Variants in CYB561A3 observed in about 807,000 individuals in gnomAD.
CYB561A3 encodes the protein lysosomal membrane ascorbate-dependent ferrireductase CYB561A3.
A neutral mutation model predicts 25.3 loss-of-function variants in CYB561A3; 16 were observed. The ratio of observed to expected loss-of-function variants is 0.63; its 90% CI spans 0.43 to 0.96. CYB561A3 has a LOEUF of 0.96. Among genes scored for constraint, CYB561A3 ranks in the 40% least tolerant of loss-of-function variants. The pLI, the probability that CYB561A3 is intolerant of heterozygous loss-of-function variation, is 0.00. For missense variants in CYB561A3, 219 were observed against 307.5 expected (o/e 0.71, Z 2.15); for synonymous variants, 131 against 129.9 (o/e 1.01, Z -0.06).
In CYB561A3 at chr11:61,356,686, A is replaced by G. The variant is rs1857666797; in HGVS notation, c.28T>C (p.Cys10Arg). 1 of 1,614,226 alleles carries G rather than the reference A, an allele frequency of 6.2e-7. No homozygotes were observed. Among genetic ancestry groups the G allele is most frequent in the East Asian group, 2.2e-5 (1 of 44,884 alleles). The change falls in exon 3 of 7, where the codon TGC (cysteine) becomes CGC (arginine). Residue 10 changes from cysteine (C) to arginine (R), a missense_variant. Physicochemically the swap from Cys to Arg is radical, Grantham distance 180. Transcript: ENST00000294072. The stretch of plus-strand genomic sequence containing the variant: ...GAGCCCAGGGACCCCAGCAGCAGGC[A>G]GGACAAGTAGAACCGTCCAGACACC... Reference protein sequence around the residue: MVSGRFYLSCLLLGSLGSMC... With the variant: MVSGRFYLSRLLLGSLGSMC...
At chr11:61,357,161 G>A (rs1394253666) in intron 2 of CYB561A3, 1 of 1,550,114 alleles carries the variant, frequency 6.5e-7, no homozygotes, top group East Asian at 2.4e-5. Context: ...AGATAAGAAG[G>A]CAAAAATTAC....
In CYB561A3 at chr11:61,349,857, A is replaced by T. The variant is rs12419865; in HGVS notation, c.*542T>A. 8,061 of 567,902 alleles carry T rather than the reference A, an allele frequency of 0.014. 85 individuals carry two copies. Among genetic ancestry groups the T allele is most frequent in the Non-Finnish European group, 0.019 (5,910 of 314,800 alleles). 35.2% of individuals were successfully genotyped at this position (567,902 alleles called of 1,614,324 possible). A position where few individuals can be genotyped will look rare whatever the true frequency, so the allele number is the denominator to read the frequency against. Reference sequence around the variant, plus strand: ...AGCCTGCTCTGTGGCGGGGCAGCCTAACTGAAATGCACACCTTTATGGGGG... The same window carrying T: ...AGCCTGCTCTGTGGCGGGGCAGCCTTACTGAAATGCACACCTTTATGGGGG... On this transcript the variant is annotated 3_prime_UTR_variant, in exon 7 of 7. Transcript: ENST00000294072.
At chr11:61,356,326 A>C in intron 3 of CYB561A3, 1 of 675,428 alleles carries the variant, frequency 1.5e-6, no homozygotes, top group East Asian at 2.8e-5. Flanking sequence ...CCTGCCCTAG[A>C]GTATTTGTGA....
Position 61,351,293 on chromosome 11 carries a change from T to C in CYB561A3, c.549-146A>G, listed in dbSNP as rs1346899619. 7.3e-6 allele frequency: 7 copies of C among 952,428 alleles called. No homozygotes were observed. In the East Asian group the frequency reaches 1.3e-4, roughly 17 times the overall value. 59.0% of individuals were successfully genotyped at this position (952,428 alleles called of 1,614,324 possible). A position where few individuals can be genotyped will look rare whatever the true frequency, so the allele number is the denominator to read the frequency against. ...AATTTTAACACCCTTTCTTTTTTTTTTTTTTTTTTTTTTTGAGGCAGAGTC... is the reference window on the plus strand; with the variant it reads ...AATTTTAACACCCTTTCTTTTTTTTCTTTTTTTTTTTTTTGAGGCAGAGTC... On this transcript the variant is annotated intron_variant, in intron 5 of 6. Coordinates refer to ENST00000294072, the MANE Select transcript of CYB561A3 (RefSeq NM_153611.6).
intron 2 of CYB561A3, 81 bp from the exon 3 acceptor site, chr11:61,356,809 C>T: frequency 1.3e-6 from 2 of 1,541,716 alleles, no homozygotes; most frequent in Non-Finnish European, 1.7e-6. Context: ...ACTGATTTAG[C>T]TCTTGGCCTG....
At chr11:61,356,420 A>AAC in intron 3 of CYB561A3, 110 bp downstream of exon 3, 1 of 529,332 alleles carries the variant, frequency 1.9e-6, no homozygotes. Context: ...AACCCACCCT[A>AAC]CCCCCATAGC....
At chr11:61,354,150 ATTTGTGGG>A in intron 3 of CYB561A3, 158 bp from the exon 4 acceptor site, 2 of 728,592 alleles carry the variant, frequency 2.7e-6, no homozygotes, top group Non-Finnish European at 4.5e-6. Context: ...CCCTCCCATG[ATTTGTGGG>A]ATAACAGCCA....
intron 3 of CYB561A3, 124 bp from the exon 4 acceptor site, chr11:61,354,116 G>T: frequency 1.0e-6 from 1 of 971,744 alleles, no homozygotes; most frequent in Non-Finnish European, 1.5e-6. Context: ...TAGGGCACTG[G>T]TATCAACTCC....
At chr11:61,361,673 G>C (rs995084433) in intron 1 of CYB561A3, 60 bp downstream of exon 1, 1 of 152,346 alleles carries the variant, frequency 6.6e-6, no homozygotes, top group Non-Finnish European at 1.5e-5. Flanking sequence ...AAGCGAGATA[G>C]CAGCGGAACC....
intron 1 of CYB561A3, chr11:61,358,566 A>G (rs1476565782): frequency 6.6e-6 from 1 of 151,924 alleles, no homozygotes; most frequent in African/African-American, 2.4e-5. Flanking sequence ...TCTCTACTAA[A>G]AATAAAAAAT....
Position 61,353,124 on chromosome 11 carries a change from C to G in CYB561A3, c.409G>C (p.Ala137Pro). 6.2e-7 allele frequency: 1 copy of G among 1,609,324 alleles called. No individual in the cohort carries two copies. Among genetic ancestry groups the G allele is most frequent in the Non-Finnish European group, 8.5e-7 (1 of 1,177,960 alleles). The change falls in exon 5 of 7, where the codon GCT becomes CCT. Residue 137 changes from alanine (A) to proline (P), a missense_variant. Transcript: ENST00000294072. ...GACGCCCAGGGCAGGAGGAAGACAGCAAAGCCCAGGAACCACTGTGGACAA... is the reference window on the plus strand; with the variant it reads ...GACGCCCAGGGCAGGAGGAAGACAGGAAAGCCCAGGAACCACTGTGGACAA... Reference protein sequence around the residue: ...LFACQWFLGFAVFLLPWASMW... With the variant: ...LFACQWFLGFPVFLLPWASMW...
Position 61,348,833 on chromosome 11 carries a change from C to G in CYB561A3, c.*1566G>C, listed in dbSNP as rs922721253. 3.3e-5 allele frequency: 5 copies of G among 152,254 alleles called. No homozygotes were observed. Among genetic ancestry groups the G allele is most frequent in the African/African-American group, 9.7e-5 (4 of 41,436 alleles). The allele number at this position is 152,254 out of a possible 1,614,324, so 9.4% of individuals were successfully genotyped here. On this transcript the variant is annotated 3_prime_UTR_variant, in exon 7 of 7. Coordinates refer to ENST00000294072, the MANE Select transcript of CYB561A3 (RefSeq NM_153611.6). Reference sequence around the variant, plus strand: ...GATTCTTAACATATTTAATGAAACTCGAGCTTCATAAACCAGTGAAATGCC... The same window carrying G: ...GATTCTTAACATATTTAATGAAACTGGAGCTTCATAAACCAGTGAAATGCC...
At chr11:61,353,615 G>A in intron 4 of CYB561A3, 169 bp downstream of exon 4, 1 of 805,960 alleles carries the variant, frequency 1.2e-6, no homozygotes, top group Non-Finnish European at 2.1e-6. Flanking sequence ...GTAAGTTCAG[G>A]CCACTGACCT....
At chr11:61,355,628 C>G (rs182511916) in intron 3 of CYB561A3, among the ~76,000 whole-genome samples, 5 of 151,022 alleles carry the variant, frequency 3.3e-5, no homozygotes, top group Admixed American at 3.3e-4. Flanking sequence ...TTGCAGTGAG[C>G]CAAGATCACG....
intron 5 of CYB561A3, chr11:61,352,688 T>A (rs1857470947): frequency 1.2e-5 from 8 of 685,750 alleles, no homozygotes; most frequent in Admixed American, 9.1e-5. Flanking sequence ...AAAATGGCAA[T>A]GACAACAATA....
intron 4 of CYB561A3, 115 bp downstream of exon 4, chr11:61,353,669 C>A: frequency 8.8e-7 from 1 of 1,141,670 alleles, no homozygotes; most frequent in Non-Finnish European, 1.3e-6. Flanking sequence ...AGATAACAAT[C>A]TGCAAGTCCC....
chr11:61,353,755 C>T, intron 4 of CYB561A3, 29 bp downstream of exon 4: 2 of 1,613,030 alleles, frequency 1.2e-6, no homozygotes, highest in South Asian at 1.1e-5. Context: ...GCTCTGGGAA[C>T]CTCGAGGAGG....
At chr11:61,350,831 C>T (rs1590596393) in intron 6 of CYB561A3, 160 bp downstream of exon 6, 3 of 1,027,100 alleles carry the variant, frequency 2.9e-6, no homozygotes, top group Admixed American at 6.1e-5. Context: ...TGGTTTGGGA[C>T]CAGTGCTCCC....
rs187121086 is a variant in CYB561A3, at chr11:61,355,882, G to A, written c.184+648C>T. 234 of 152,240 alleles carry A rather than the reference G, an allele frequency of 1.5e-3. 2 individuals are homozygous for A. In the Middle Eastern group the frequency reaches 0.02, roughly 13 times the overall value. 9.4% of individuals were successfully genotyped at this position (152,240 alleles called of 1,614,324 possible). A position where few individuals can be genotyped will look rare whatever the true frequency, so the allele number is the denominator to read the frequency against. On this transcript the variant is annotated intron_variant, in intron 3 of 6. Coordinates refer to ENST00000294072, the MANE Select transcript of CYB561A3 (RefSeq NM_153611.6). ...AGGTGGGCAGATCACAAGGTCAGGA[G>A]ATCAAGACCATCCTGGCTAACACGG... is the stretch of plus-strand genomic sequence containing the variant.
Sources: allele counts gnomAD v4.1 joint callset (sites outside exome capture counted in the v4.1 genomes callset), GRCh38; gene constraint gnomAD v4.1.1; transcripts MANE v1.5; gene names NCBI Gene and HGNC (gene_info 2026-07-23, HGNC 2026-07-21).